FBLIM1: variants seen among roughly 807,000 people sequenced by gnomAD.
The protein encoded by FBLIM1 is filamin binding LIM protein 1, also known as filamin-binding LIM protein 1.
A neutral mutation model predicts 37.4 loss-of-function variants in FBLIM1; 29 were observed. The ratio of observed to expected loss-of-function variants is 0.77; its 90% confidence interval spans 0.58 to 1.06. FBLIM1 has a LOEUF of 1.06. FBLIM1 is among the 50% of genes least tolerant of loss of function. The pLI, the probability that FBLIM1 is intolerant of heterozygous loss-of-function variation, is 0.00. For missense variants in FBLIM1, 449 were observed against 505.6 expected, an observed-to-expected ratio of 0.89 and a Z score of 1.07; for synonymous variants, 193 against 199.0, an observed-to-expected ratio of 0.97 and a Z score of 0.25.
chr1:15,756,935 T>C (rs1370596255), upstream of FBLIM1, among the ~76,000 whole-genome samples: 2 of 152,178 alleles, frequency 1.3e-5, no homozygotes, highest in Non-Finnish European at 2.9e-5. Flanking sequence ...CTTTTATCTC[T>C]TAAATAAACT....
In FBLIM1 at chr1:15,770,557, C is replaced by T; in HGVS notation, c.690C>T (p.Pro230=). 6.2e-7 allele frequency: 1 copy of T among 1,613,966 alleles called. No homozygotes were observed. The highest frequency in any genetic ancestry group is 8.5e-7 in the Non-Finnish European group (1 of 1,180,022). The change falls in exon 6 of 9, where the codon CCC becomes CCT. Residue 230 remains proline, a synonymous_variant. Coordinates refer to ENST00000375766, the MANE Select transcript of FBLIM1 (RefSeq NM_017556.4). ...GCTTCTACCAGAAGGATGGGCGACCCCTCTGCGAACCCTGCTACCAGGTAA... is the reference window on the plus strand; with the variant it reads ...GCTTCTACCAGAAGGATGGGCGACCTCTCTGCGAACCCTGCTACCAGGTAA... ...GQSFYQKDGR[P]LCEPCYQDTL...
rs140532932 is a variant in FBLIM1 at position 15,765,493 on chromosome 1, T to G, written c.250+260T>G. ...TGGGAGTGTGGGAACAAGATCAAAC[T>G]TGCCTGGGAAGGGCTGTCCTGTCAC... On this transcript the variant is annotated intron_variant, in intron 3 of 8. Transcript: ENST00000375766. The surrounding 1 kb of genome is among the most constrained non-coding windows in gnomAD (Gnocchi z 5.9). Among the ~76,000 whole-genome samples the G allele has an allele frequency of 3.5e-4, 53 of 152,078 alleles. No homozygotes were observed. Among genetic ancestry groups the G allele is most frequent in the African/African-American group, 1.2e-3 (51 of 41,490 alleles).
chr1:15,758,722 G>T (rs895755766), upstream of FBLIM1: 1 of 152,136 alleles, frequency 6.6e-6, no homozygotes, highest in African/African-American at 2.4e-5. The surrounding 1 kb of genome is among the most constrained non-coding windows in gnomAD (Gnocchi z 6.2). Flanking sequence ...AGCGGCGCGG[G>T]GCGGCGGGGC....
intron 6 of FBLIM1, among the ~76,000 whole-genome samples, chr1:15,771,946 TC>T (rs1375066020): frequency 6.6e-6 from 1 of 151,978 alleles, no homozygotes; most frequent in Non-Finnish European, 1.5e-5. Flanking sequence ...ATGTTTGATC[TC>T]ACGGGAATCT....
chr1:15,773,318 G>A (rs2069312714), intron 6 of FBLIM1, among the ~76,000 whole-genome samples: 1 of 151,838 alleles, frequency 6.6e-6, no homozygotes, highest in Non-Finnish European at 1.5e-5. Context: ...GGGAGGCAGA[G>A]GCTGCAGTGA....
At chr1:15,759,089 G>C (rs1569662283) in intron 1 of FBLIM1, among the ~76,000 whole-genome samples, 3 of 152,034 alleles carry the variant, frequency 2.0e-5, no homozygotes, top group African/African-American at 7.2e-5. Context: ...GCTCAGTGAG[G>C]CCGGCGGAGG....
chr1:15,770,698 G>A, intron 6 of FBLIM1, 120 bp downstream of exon 6: 1 of 1,184,480 alleles, frequency 8.4e-7, no homozygotes, highest in South Asian at 1.6e-5. Context: ...TTTCACAGAT[G>A]AGGAAACTGA....
rs74526130 is a variant in FBLIM1 at position 15,759,654 on chromosome 1, A to C, written c.-211+806A>C. Among the ~76,000 whole-genome samples the C allele has an allele frequency of 8.4e-3, 1,274 of 152,198 alleles. 17 individuals are homozygous for C. The highest frequency in any genetic ancestry group is 0.029 in the African/African-American group (1,222 of 41,538). On this transcript the variant is annotated intron_variant, in intron 1 of 8. Coordinates refer to ENST00000375766, the MANE Select transcript of FBLIM1 (RefSeq NM_017556.4). ...CCTAGACCCTGAGTCTTCTTTCCTTATATATCCTCTCAGCCGCCCTAGGGA... is the reference window on the plus strand; with the variant it reads ...CCTAGACCCTGAGTCTTCTTTCCTTCTATATCCTCTCAGCCGCCCTAGGGA...
At chr1:15,761,670 A>C (rs1321997125) in intron 1 of FBLIM1, among the ~76,000 whole-genome samples, 1 of 152,218 alleles carries the variant, frequency 6.6e-6, no homozygotes, top group Non-Finnish European at 1.5e-5. Context: ...CAAGTACTTT[A>C]AAATAAGTTT....
intron 5 of FBLIM1, among the ~76,000 whole-genome samples, chr1:15,769,209 G>A (rs887727503): frequency 1.3e-5 from 2 of 152,214 alleles, no homozygotes; most frequent in Admixed American, 1.3e-4. Flanking sequence ...GAGCGTGGTG[G>A]CTCACGCCTA....
intron 8 of FBLIM1, among the ~76,000 whole-genome samples, chr1:15,781,042 G>A (rs1187752689): frequency 6.6e-6 from 1 of 151,964 alleles, no homozygotes; most frequent in Non-Finnish European, 1.5e-5. Context: ...GTAGTAAGTC[G>A]GCATTTGGAC....
chr1:15,782,007 C>T (rs544740240), intron 8 of FBLIM1, among the ~76,000 whole-genome samples: 11 of 151,916 alleles, frequency 7.2e-5, no homozygotes, highest in South Asian at 2.1e-4. Flanking sequence ...TGTGAGCCAC[C>T]GCACCTGGCC....
chr1:15,760,621 G>A (rs1417897389), intron 1 of FBLIM1, among the ~76,000 whole-genome samples: 1 of 151,322 alleles, frequency 6.6e-6, no homozygotes, highest in Non-Finnish European at 1.5e-5. Flanking sequence ...ACAAGGAGTA[G>A]GAAGGAGGAC....
At chr1:15,766,936 C>T (rs1162116390) in intron 3 of FBLIM1, among the ~76,000 whole-genome samples, 1 of 147,420 alleles carries the variant, frequency 6.8e-6, no homozygotes, top group Non-Finnish European at 1.5e-5. Flanking sequence ...GTCACCCAGG[C>T]TGGAGTGCAG....
At chr1:15,764,047 T>G (rs534797800) in intron 1 of FBLIM1, among the ~76,000 whole-genome samples, 1 of 152,286 alleles carries the variant, frequency 6.6e-6, no homozygotes, top group Non-Finnish European at 1.5e-5. Flanking sequence ...CCTTGCCCCC[T>G]GCCCACTGCC....
intron 3 of FBLIM1, among the ~76,000 whole-genome samples, chr1:15,766,289 T>C (rs2068918314): frequency 6.6e-6 from 1 of 151,736 alleles, no homozygotes; most frequent in African/African-American, 2.4e-5. Context: ...TGTGTGTGTG[T>C]GTATGTGTGT....
In FBLIM1 at chr1:15,784,587, G is replaced by A; in HGVS notation, c.1048G>A (p.Gly350Ser). The A allele has an allele frequency of 6.2e-7, 1 of 1,614,132 alleles. No individual in the cohort carries two copies. The highest frequency in any genetic ancestry group is 8.5e-7 in the Non-Finnish European group (1 of 1,179,982). Residue 350 changes from glycine to serine, a missense_variant, in exon 9 of 9, where the codon GGC becomes AGC. Coordinates refer to ENST00000375766, the MANE Select transcript of FBLIM1 (RefSeq NM_017556.4). ...ILLSVEPTDQ[G>S]CYPLNNHLFC... ...CCTGTCTGTCGAGCCCACGGACCAA[G>A]GCTGCTACCCCCTGAACAACCATCT...
At chr1:15,761,396 T>A (rs1313733507) in intron 1 of FBLIM1, among the ~76,000 whole-genome samples, 3 of 152,062 alleles carry the variant, frequency 2.0e-5, no homozygotes, top group Non-Finnish European at 2.9e-5. Context: ...ATCTGCAAAG[T>A]GGGGGCAGGA....
intron 6 of FBLIM1, among the ~76,000 whole-genome samples, chr1:15,771,256 T>G (rs1023891166): frequency 8.0e-5 from 12 of 150,730 alleles, no homozygotes; most frequent in South Asian, 6.3e-4. Flanking sequence ...TTTGTTTTTT[T>G]TTTTTTTTAA....
Sources: gnomAD v4.1 joint callset for allele counts (sites outside exome capture counted in the v4.1 genomes callset) on GRCh38, gnomAD v4.1.1 for gene constraint, Gnocchi (gnomAD v3.1) non-coding constraint, MANE v1.5 for transcripts, NCBI Gene and HGNC (gene_info 2026-07-23, HGNC 2026-07-21) for gene names.